Variants in HHAT observed in about 807,000 individuals in gnomAD.
HHAT encodes protein-cysteine N-palmitoyltransferase HHAT.
In HHAT, 47 loss-of-function variants were observed where a neutral mutation model predicts 70.8. The observed-to-expected ratio is 0.66, with a 90% CI of 0.53 to 0.85. The LOEUF (loss-of-function observed/expected upper bound fraction) is 0.85, where lower values mean the gene tolerates loss of function less well. Ranked by LOEUF, HHAT falls within the 40% of genes least tolerant of loss-of-function variation. The pLI, the probability that HHAT is intolerant of heterozygous loss-of-function variation, is 0.00. For synonymous variants in HHAT, 228 were observed against 247.6 expected (o/e 0.92, Z 0.74); for missense variants, 609 against 604.8 (o/e 1.01, Z -0.07).
rs114938940 is a variant in HHAT, at chr1:210,598,189, C to T, written c.1245+10090C>T. 5.5e-3 allele frequency among the ~76,000 whole-genome samples: 837 copies of T among 151,872 alleles called. 3 individuals carry two copies. Among genetic ancestry groups the T allele is most frequent in the African/African-American group, 0.019 (785 of 41,448 alleles). The stretch of plus-strand genomic sequence containing the variant: ...CCCCCTATCTTACTGTGGCTGAGCA[C>T]GTATCCAAATTGCAAGACAAAGTTG... On this transcript the variant is annotated intron_variant, in intron 10 of 11. Coordinates refer to ENST00000261458, the MANE Select transcript of HHAT (RefSeq NM_018194.6).
At chr1:210,359,044 C>T (rs555502898) in intron 2 of HHAT, among the ~76,000 whole-genome samples, 1 of 152,304 alleles carries the variant, frequency 6.6e-6, no homozygotes, top group East Asian at 1.9e-4. Flanking sequence ...TTTCTATGCT[C>T]TCAGGCAGTT....
intron 2 of HHAT, among the ~76,000 whole-genome samples, chr1:210,356,108 T>G (rs1377051334): frequency 6.6e-6 from 1 of 151,568 alleles, no homozygotes; most frequent in Non-Finnish European, 1.5e-5. Flanking sequence ...TTTTTTTTTT[T>G]TGGAGACAGG....
At chr1:210,431,133 G>T (rs974289898) in intron 7 of HHAT, among the ~76,000 whole-genome samples, 1 of 151,830 alleles carries the variant, frequency 6.6e-6, no homozygotes, top group Admixed American at 6.5e-5. Flanking sequence ...GAATATTTAG[G>T]TTTATTTCTG....
intron 8 of HHAT, among the ~76,000 whole-genome samples, chr1:210,464,971 C>T (rs867783633): frequency 5.9e-5 from 9 of 152,166 alleles, no homozygotes; most frequent in Admixed American, 2.0e-4. Flanking sequence ...TATTTAATTG[C>T]TTTCTCTTTT....
At chr1:210,610,609 G>A (rs970506664) in intron 10 of HHAT, among the ~76,000 whole-genome samples, 1 of 152,126 alleles carries the variant, frequency 6.6e-6, no homozygotes, top group African/African-American at 2.4e-5. Flanking sequence ...GTCCTGAATA[G>A]TATTGCCTAG....
Position 210,400,592 on chromosome 1 carries a change from A to T in HHAT, c.398A>T (p.Gln133Leu). 6.2e-7 allele frequency: 1 copy of T among 1,614,008 alleles called. No individual in the cohort carries two copies. The highest frequency in any genetic ancestry group is 8.5e-7 in the Non-Finnish European group (1 of 1,179,978). ...TTCTGCGTGGCCCAGTTCCGGTCTC[A>T]GCTCCTGACGTGGCTCTGTTCTCTC... The part of the protein sequence containing the change: ...ISFCVAQFRS[Q>L]LLTWLCSLLL... The change falls in exon 5 of 12, where the codon CAG becomes CTG. Residue 133 changes from glutamine to leucine, a missense_variant. By Grantham distance (113) the Gln-to-Leu change is moderately radical (BLOSUM62 -2). Coordinates refer to ENST00000261458, the MANE Select transcript of HHAT (RefSeq NM_018194.6).
chr1:210,417,292 G>T (rs753852539), intron 6 of HHAT, among the ~76,000 whole-genome samples: 27 of 152,312 alleles, frequency 1.8e-4, no homozygotes, highest in Admixed American at 3.9e-4. Flanking sequence ...GAGTACAGTG[G>T]TGTGATCTTG....
intron 11 of HHAT, among the ~76,000 whole-genome samples, chr1:210,662,374 G>A (rs1446554677): frequency 6.6e-6 from 1 of 152,202 alleles, no homozygotes. Flanking sequence ...CTGACAAGAA[G>A]CCTGATTCGT....
chr1:210,611,733 G>T (rs1409166681), intron 10 of HHAT, among the ~76,000 whole-genome samples: 1 of 151,982 alleles, frequency 6.6e-6, no homozygotes, highest in Non-Finnish European at 1.5e-5. Context: ...GAATTTTCTC[G>T]AAGGCCTTTT....
At chr1:210,371,637 T>A (rs889361686) in intron 3 of HHAT, among the ~76,000 whole-genome samples, 4 of 152,204 alleles carry the variant, frequency 2.6e-5, no homozygotes, top group Non-Finnish European at 5.9e-5. Flanking sequence ...AATCACTTAT[T>A]AATCTGCTCC....
At chr1:210,546,687 C>T (rs1192403840) in intron 9 of HHAT, among the ~76,000 whole-genome samples, 7 of 152,140 alleles carry the variant, frequency 4.6e-5, no homozygotes, top group Middle Eastern at 6.8e-3. Flanking sequence ...GTGTGGAGAG[C>T]GTATGGCAGC....
intron 9 of HHAT, among the ~76,000 whole-genome samples, chr1:210,551,241 G>A (rs189220198): frequency 1.1e-4 from 17 of 148,802 alleles, no homozygotes; most frequent in South Asian, 4.3e-4. Flanking sequence ...AGTGCGGCCC[G>A]CTGCAAAGCC....
chr1:210,635,607 C>A (rs1373248066), intron 11 of HHAT, among the ~76,000 whole-genome samples: 1 of 152,132 alleles, frequency 6.6e-6, no homozygotes, highest in African/African-American at 2.4e-5. Flanking sequence ...AGAGTTCTCC[C>A]AGGGAGAATT....
At chr1:210,672,989 C>T (rs567668033) in intron 11 of HHAT, among the ~76,000 whole-genome samples, 2 of 152,004 alleles carry the variant, frequency 1.3e-5, no homozygotes, top group South Asian at 2.1e-4. Flanking sequence ...CACAGTCGTT[C>T]GTTTCTTTTA....
chr1:210,412,256 A>G (rs1189152771), intron 6 of HHAT, among the ~76,000 whole-genome samples: 7 of 152,186 alleles, frequency 4.6e-5, no homozygotes, highest in African/African-American at 9.7e-5. Flanking sequence ...TTCAATTAAT[A>G]ATATTTTGCC....
intron 9 of HHAT, among the ~76,000 whole-genome samples, chr1:210,558,500 T>C (rs990755624): frequency 3.9e-5 from 6 of 152,188 alleles, no homozygotes; most frequent in Non-Finnish European, 2.9e-5. Context: ...TTGTGTTGGC[T>C]TGAGCAGTTT....
intron 2 of HHAT, among the ~76,000 whole-genome samples, chr1:210,354,030 G>T (rs1379448755): frequency 6.6e-6 from 1 of 152,042 alleles, no homozygotes; most frequent in Non-Finnish European, 1.5e-5. Context: ...CTTAATAGAT[G>T]AACCCAGGCT....
chr1:210,346,168 A>C (rs1401680323), intron 1 of HHAT, among the ~76,000 whole-genome samples: 5 of 152,170 alleles, frequency 3.3e-5, no homozygotes, highest in Non-Finnish European at 7.4e-5. Context: ...ATTGTCTCAG[A>C]TAGAATGTCC....
Position 210,569,249 on chromosome 1 carries a change from C to G in HHAT, c.1044-18649C>G, listed in dbSNP as rs527969668. The stretch of plus-strand genomic sequence containing the variant: ...ATTAGCCGGGTGCAGTGGCGGGCAC[C>G]TGTAACCCCAGCGACTCGGGAGGCT... On this transcript the variant is annotated intron_variant, in intron 9 of 11. Transcript: ENST00000261458. Among the ~76,000 whole-genome samples the G allele has an allele frequency of 1.1e-3, 171 of 151,796 alleles. 1 individual carries two copies. The highest frequency in any genetic ancestry group is 3.9e-3 in the African/African-American group (160 of 41,452).
Sources: gnomAD v4.1 joint callset for allele counts (sites outside exome capture counted in the v4.1 genomes callset) on GRCh38, gnomAD v4.1.1 for gene constraint, MANE v1.5 for transcripts, NCBI Gene and HGNC (gene_info 2026-07-23, HGNC 2026-07-21) for gene names.